ASAP1: variants seen among roughly 807,000 people sequenced by gnomAD.
The protein encoded by ASAP1 is arf-GAP with SH3 domain, ANK repeat and PH domain-containing protein 1.
In ASAP1, 43 loss-of-function variants were observed where a neutral mutation model predicts 145.2. The ratio of observed to expected loss-of-function variants is 0.30; its 90% CI spans 0.23 to 0.38. ASAP1 has a LOEUF of 0.38. Among genes scored for constraint, ASAP1 ranks in the 10% least tolerant of loss-of-function variants. The pLI is 1.00. For synonymous variants in ASAP1, 546 were observed against 515.5 expected (o/e 1.06, Z -0.80); for missense variants, 1,018 against 1,355.3 (o/e 0.75, Z 3.91).
chr8:130,156,843 T>C (rs1179549919), intron 12 of ASAP1, among the ~76,000 whole-genome samples: 1 of 152,212 alleles, frequency 6.6e-6, no homozygotes, highest in Non-Finnish European at 1.5e-5. Context: ...TTGAACACTT[T>C]AGGGTTTGAA....
chr8:130,301,780 T>C (rs527441533), intron 3 of ASAP1, among the ~76,000 whole-genome samples: 1 of 152,372 alleles, frequency 6.6e-6, no homozygotes, highest in South Asian at 2.1e-4. Flanking sequence ...TGTCTTTCCA[T>C]GTCAACAGAT....
chr8:130,382,228 G>C (rs901934632), intron 2 of ASAP1, among the ~76,000 whole-genome samples: 27 of 137,624 alleles, frequency 2.0e-4, no homozygotes, highest in Non-Finnish European at 3.8e-4. Flanking sequence ...GGAGCTTGCA[G>C]TGAGCCGAGA....
intron 24 of ASAP1, among the ~76,000 whole-genome samples, chr8:130,096,830 GAA>G (rs746401627): frequency 2.0e-5 from 3 of 151,866 alleles, no homozygotes; most frequent in Admixed American, 6.6e-5. Context: ...TCCATGATCA[GAA>G]AAAGTCCTTG....
intron 1 of ASAP1, among the ~76,000 whole-genome samples, chr8:130,434,543 A>G (rs139409662): frequency 6.6e-6 from 1 of 152,298 alleles, no homozygotes; most frequent in African/African-American, 2.4e-5. Flanking sequence ...CATAATAGCT[A>G]TCACTATTGA....
intron 1 of ASAP1, among the ~76,000 whole-genome samples, chr8:130,422,614 A>G (rs1294413384): frequency 6.6e-6 from 1 of 151,446 alleles, no homozygotes; most frequent in Admixed American, 6.6e-5. Flanking sequence ...TGCTCCCAAA[A>G]CTCTCTCCCA....
intron 3 of ASAP1, among the ~76,000 whole-genome samples, chr8:130,258,718 T>C (rs1819716260): frequency 6.6e-6 from 1 of 152,190 alleles, no homozygotes; most frequent in African/African-American, 2.4e-5. Flanking sequence ...AAATAGTACT[T>C]ATCAGTTCTG....
chr8:130,097,481 T>G (rs2097520988), intron 24 of ASAP1, among the ~76,000 whole-genome samples: 1 of 152,154 alleles, frequency 6.6e-6, no homozygotes. Context: ...CATTTGGACA[T>G]TCTGCTGTGC....
At chr8:130,389,859 C>G (rs1306610491) in intron 2 of ASAP1, among the ~76,000 whole-genome samples, 1 of 152,136 alleles carries the variant, frequency 6.6e-6, no homozygotes, top group African/African-American at 2.4e-5. Context: ...TGCTACTATG[C>G]CCAGCTAAAT....
At chr8:130,380,314 G>A (rs1002541415) in intron 2 of ASAP1, among the ~76,000 whole-genome samples, 11 of 152,242 alleles carry the variant, frequency 7.2e-5, no homozygotes, top group African/African-American at 2.7e-4. Context: ...CAGGATGATG[G>A]AGTGTGTATT....
At chr8:130,331,909 G>A (rs545134233) in intron 3 of ASAP1, among the ~76,000 whole-genome samples, 46 of 152,260 alleles carry the variant, frequency 3.0e-4, no homozygotes, top group African/African-American at 1.1e-3. Context: ...GAACCATAGA[G>A]CAGATCCCCA....
chr8:130,308,048 T>G (rs1823103099), intron 3 of ASAP1, among the ~76,000 whole-genome samples: 1 of 152,244 alleles, frequency 6.6e-6, no homozygotes, highest in Non-Finnish European at 1.5e-5. Context: ...TCAATTTGCT[T>G]CTAGCAAAAC....
At chr8:130,424,339 C>T (rs1829831570) in intron 1 of ASAP1, among the ~76,000 whole-genome samples, 1 of 152,200 alleles carries the variant, frequency 6.6e-6, no homozygotes, top group African/African-American at 2.4e-5. Flanking sequence ...GGTCTGACGG[C>T]CTAGCCCCCA....
chr8:130,342,878 T>TC (rs1825473971), intron 3 of ASAP1, among the ~76,000 whole-genome samples: 1 of 152,044 alleles, frequency 6.6e-6, no homozygotes, highest in South Asian at 2.1e-4. Context: ...TACCCCTCTC[T>TC]CCAAGATACT....
chr8:130,155,693 T>G (rs2097657100), intron 12 of ASAP1, among the ~76,000 whole-genome samples: 1 of 152,210 alleles, frequency 6.6e-6, no homozygotes, highest in Non-Finnish European at 1.5e-5. Context: ...TTCCCAAGAC[T>G]TCTATGGACT....
chr8:130,285,590 A>G (rs1214769036), intron 3 of ASAP1, among the ~76,000 whole-genome samples: 1 of 152,186 alleles, frequency 6.6e-6, no homozygotes, highest in African/African-American at 2.4e-5. Flanking sequence ...TATTCAGCCA[A>G]TTGTAACTCT....
At chr8:130,378,537 CAAAT>C (rs1827611463) in intron 2 of ASAP1, among the ~76,000 whole-genome samples, 1 of 152,216 alleles carries the variant, frequency 6.6e-6, no homozygotes, top group Non-Finnish European at 1.5e-5. Context: ...GCAATGAAAA[CAAAT>C]AACACGTGCA....
chr8:130,188,858 C>G (rs1814939932), intron 5 of ASAP1, among the ~76,000 whole-genome samples: 1 of 152,048 alleles, frequency 6.6e-6, no homozygotes. Flanking sequence ...CATTTTAGCA[C>G]TTCCATTAAC....
intron 9 of ASAP1, among the ~76,000 whole-genome samples, chr8:130,170,075 C>T (rs1245355647): frequency 1.3e-5 from 2 of 152,200 alleles, no homozygotes; most frequent in African/African-American, 2.4e-5. Flanking sequence ...ATCTGTTTTG[C>T]TGTCTCCCTA....
chr8:130,074,608 G>A (rs1256559963), intron 27 of ASAP1, among the ~76,000 whole-genome samples: 2 of 152,148 alleles, frequency 1.3e-5, no homozygotes, highest in Non-Finnish European at 2.9e-5. Flanking sequence ...TGCAAAAGAT[G>A]GAGGGACACC....
Sources: gnomAD v4.1 joint callset for allele counts (sites outside exome capture counted in the v4.1 genomes callset) on GRCh38, gnomAD v4.1.1 for gene constraint, MANE v1.5 for transcripts, NCBI Gene and HGNC (gene_info 2026-07-23, HGNC 2026-07-21) for gene names.